SHH: variants seen among roughly 807,000 people sequenced by gnomAD.
SHH encodes the protein sonic hedgehog signaling molecule.
SHH carries 3 observed loss-of-function variants against 16.6 expected under a neutral mutation model. The ratio of observed to expected loss-of-function variants is 0.18; its 90% CI spans 0.08 to 0.47. The LOEUF (loss-of-function observed/expected upper bound fraction) is 0.47, where lower values mean the gene tolerates loss of function less well. SHH is among the 20% of genes least tolerant of loss of function. The pLI is 0.98. For synonymous variants in SHH, 351 were observed against 316.2 expected (o/e 1.11, Z -1.17); for missense variants, 499 against 665.0 (o/e 0.75, Z 2.75).
chr7:155,806,275 G>A (rs772387547), intron 2 of SHH, 21 bp downstream of exon 2: 1 of 1,612,576 alleles, frequency 6.2e-7, no homozygotes, highest in Non-Finnish European at 8.5e-7. Context: ...GGTCGGATCC[G>A]GGGGGCCAGG....
Position 155,806,251 on chromosome 7 carries a change from A to G in SHH, c.562+45T>C, listed in dbSNP as rs9333620. 9.4e-5 allele frequency: 151 copies of G among 1,611,992 alleles called. 1 individual carries two copies. In the Admixed American group the frequency reaches 2.4e-3, roughly 26 times the overall value. On this transcript the variant is annotated intron_variant, in intron 2 of 2. Coordinates refer to ENST00000297261, the MANE Select transcript of SHH (RefSeq NM_000193.4). ...CTCTTGAATCAAGCCGAGGTGCGCCAATGGCCTTCCTTGGGTCGGATCCGG... is the reference window on the plus strand; with the variant it reads ...CTCTTGAATCAAGCCGAGGTGCGCCGATGGCCTTCCTTGGGTCGGATCCGG...
intron 2 of SHH, among the ~76,000 whole-genome samples, chr7:155,804,132 C>G (rs1190276653): frequency 6.6e-6 from 1 of 151,936 alleles, no homozygotes; most frequent in South Asian, 2.1e-4. Flanking sequence ...TGAGCTCCCG[C>G]GGGCGCCGGG....
At position 155,802,097 on chromosome 7, in the gene SHH, A is replaced by G. The variant is rs938506500; in HGVS notation, c.*803T>C. 1.1e-4 allele frequency: 16 copies of G among 140,192 alleles called. No homozygotes were observed. The highest frequency in any genetic ancestry group is 3.5e-3 in the Middle Eastern group (1 of 286). The allele number at this position is 140,192 out of a possible 1,614,324, so 8.7% of individuals were successfully genotyped here. The stretch of plus-strand genomic sequence containing the variant: ...TGTCCAAAAAAAAAAAAAAAAAAAA[A>G]AAAGAAAAGAAAAGAAAAAGAAAAG... On this transcript the variant is annotated 3_prime_UTR_variant, in exon 3 of 3. Transcript: ENST00000297261.
Position 155,803,365 on chromosome 7 carries a change from G to T in SHH, c.924C>A (p.Arg308=). ...CGTACACGCGCTGGCCCGGGCGCAC[G>T]CGGCTGGCGAACAGCGCCCGAGGCC... ...ALGPRALFAS[R]VRPGQRVYVV... is the part of the protein sequence containing the mutation. The change falls in exon 3 of 3, where the codon CGC becomes CGA. Residue 308 remains arginine (R), a synonymous_variant. Coordinates refer to ENST00000297261, the MANE Select transcript of SHH (RefSeq NM_000193.4). The T allele has an allele frequency of 6.9e-7, 1 of 1,447,838 alleles. No homozygotes were observed. Among genetic ancestry groups the T allele is most frequent in the Non-Finnish European group, 9.0e-7 (1 of 1,112,832 alleles). 89.7% of individuals were successfully genotyped at this position (1,447,838 alleles called of 1,614,324 possible).
chr7:155,806,725 C>T (rs2117138841), intron 1 of SHH, 168 bp from the exon 2 acceptor site: 1 of 824,442 alleles, frequency 1.2e-6, no homozygotes, highest in Non-Finnish European at 2.1e-6. Context: ...GAGCCGGGCC[C>T]TGGGCTGGGG....
At chr7:155,806,620 G>A (rs2117138444) in intron 1 of SHH, 63 bp from the exon 2 acceptor site, 1 of 1,599,788 alleles carries the variant, frequency 6.3e-7, no homozygotes. Flanking sequence ...CACCCCTCCC[G>A]GCCCCTCCAT....
intron 2 of SHH, 35 bp from the exon 3 acceptor site, chr7:155,803,761 G>C: frequency 6.4e-7 from 1 of 1,554,870 alleles, no homozygotes; most frequent in South Asian, 1.1e-5. Context: ...AGAGAGGACA[G>C]GGCATTGAGT....
In SHH at chr7:155,807,153, G is replaced by C. The variant is rs1221614087; in HGVS notation, c.301-596C>G. ...AGGCCCTAACCCTATCCGAGGCAGAGGGGAGGCGAGAAGCCGCTGGCGGGG... is the reference window on the plus strand; with the variant it reads ...AGGCCCTAACCCTATCCGAGGCAGACGGGAGGCGAGAAGCCGCTGGCGGGG... On this transcript the variant is annotated intron_variant, in intron 1 of 2. Coordinates refer to ENST00000297261, the MANE Select transcript of SHH (RefSeq NM_000193.4). The surrounding 1 kb of genome is among the most constrained non-coding windows in gnomAD (Gnocchi z 7.1). 6.3e-6 allele frequency: 1 copy of C among 159,438 alleles called. No homozygotes were observed. The highest frequency in any genetic ancestry group is 5.8e-5 in the Admixed American group (1 of 17,166). 9.9% of individuals were successfully genotyped at this position (159,438 alleles called of 1,614,324 possible).
intron 1 of SHH, among the ~76,000 whole-genome samples, chr7:155,811,265 C>T (rs1002346800): frequency 7.2e-5 from 11 of 152,356 alleles, no homozygotes; most frequent in African/African-American, 2.4e-4. Flanking sequence ...AGAACCGCCT[C>T]CTGGCTTTTC....
rs1410554042 is a variant in SHH at position 155,809,769 on chromosome 7, G to A, written c.300+2054C>T. ...AAGTTCAAATGCTGCCTGTGCGCGCGGCGGCGAGAGTGGCCGGGCGCGGGG... is the reference window on the plus strand; with the variant it reads ...AAGTTCAAATGCTGCCTGTGCGCGCAGCGGCGAGAGTGGCCGGGCGCGGGG... On this transcript the variant is annotated intron_variant, in intron 1 of 2. Transcript: ENST00000297261. This position sits in a 1 kb window ranked among gnomAD's most constrained non-coding sequence, Gnocchi z 6.1. 6.6e-6 allele frequency among the ~76,000 whole-genome samples: 1 copy of A among 151,992 alleles called. No homozygotes were observed. Among genetic ancestry groups the A allele is most frequent in the African/African-American group, 2.4e-5 (1 of 41,430 alleles).
chr7:155,807,403 CA>C lies in SHH; in HGVS notation c.301-847del, dbSNP rs1803394776. On this transcript the variant is annotated intron_variant, in intron 1 of 2. Coordinates refer to ENST00000297261, the MANE Select transcript of SHH (RefSeq NM_000193.4). This position sits in a 1 kb window ranked among gnomAD's most constrained non-coding sequence, Gnocchi z 7.1. ...CTTGGCCCCAGCATAGAATGGCGTC[CA>C]GCAAGTTTGAAGAGCAAACTGAAGA... 6.7e-6 allele frequency: 1 copy of C among 149,198 alleles called. No individual in the cohort carries two copies. Among genetic ancestry groups the C allele is most frequent in the African/African-American group, 2.5e-5 (1 of 40,244 alleles). 9.2% of individuals were successfully genotyped at this position (149,198 alleles called of 1,614,324 possible). A position where few individuals can be genotyped will look rare whatever the true frequency, so the allele number is the denominator to read the frequency against.
In SHH at chr7:155,803,733, G is replaced by A. The variant is rs1803269440; in HGVS notation, c.563-7C>T. ...TTGGCCGCCACCGAGTTCTCTGCGG[G>A]TGAGGAGAAGGGAAAGAAGAGAGGA... On this transcript the variant is annotated splice_polypyrimidine_tract_variant and splice_region_variant and intron_variant, in intron 2 of 2. Transcript: ENST00000297261. The A allele has an allele frequency of 1.3e-6, 2 of 1,593,894 alleles. No homozygotes were observed. Among genetic ancestry groups the A allele is most frequent in the Non-Finnish European group, 1.7e-6 (2 of 1,176,470 alleles).
chr7:155,808,473 G>A (rs1359862205), intron 1 of SHH, among the ~76,000 whole-genome samples: 3 of 152,232 alleles, frequency 2.0e-5, no homozygotes, highest in African/African-American at 7.2e-5. Flanking sequence ...GGGCAGGCAT[G>A]GAGGACCCCG....
At chr7:155,805,013 C>A (rs1032467798) in intron 2 of SHH, among the ~76,000 whole-genome samples, 2 of 152,218 alleles carry the variant, frequency 1.3e-5, no homozygotes, top group Admixed American at 6.5e-5. Context: ...AGTCGCACGG[C>A]CCGGCTTGAC....
Position 155,807,540 on chromosome 7 carries a change from A to G in SHH, c.301-983T>C, listed in dbSNP as rs1287981985. Among the ~76,000 whole-genome samples the G allele has an allele frequency of 1.3e-5, 2 of 152,186 alleles. No individual in the cohort carries two copies. Among genetic ancestry groups the G allele is most frequent in the African/African-American group, 4.8e-5 (2 of 41,430 alleles). ...CCCAGGAAGTTGCCTGGGAGGAGGC[A>G]GGAAACACTGACTAGGCAGATGCAG... On this transcript the variant is annotated intron_variant, in intron 1 of 2. Coordinates refer to ENST00000297261, the MANE Select transcript of SHH (RefSeq NM_000193.4). This position sits in a 1 kb window ranked among gnomAD's most constrained non-coding sequence, Gnocchi z 7.1.
At chr7:155,805,883 C>A (rs1473544396) in intron 2 of SHH, among the ~76,000 whole-genome samples, 2 of 152,234 alleles carry the variant, frequency 1.3e-5, no homozygotes, top group Non-Finnish European at 2.9e-5. Flanking sequence ...GACACCCCTG[C>A]GCTTGGGATA....
rs1803203495 is a variant in SHH, at chr7:155,802,325, A to C, written c.*575T>G. 1 of 152,212 alleles carries C rather than the reference A, an allele frequency of 6.6e-6. No homozygotes were observed. The highest frequency in any genetic ancestry group is 2.4e-5 in the African/African-American group (1 of 41,460). 9.4% of individuals were successfully genotyped at this position (152,212 alleles called of 1,614,324 possible). A position where few individuals can be genotyped will look rare whatever the true frequency, so the allele number is the denominator to read the frequency against. On this transcript the variant is annotated 3_prime_UTR_variant, in exon 3 of 3. Coordinates refer to ENST00000297261, the MANE Select transcript of SHH (RefSeq NM_000193.4). ...TCAGTTAAGTATTGATCTCTCAAAA[A>C]ATCTAATTTACAATTCTGTGTATAA... is the stretch of plus-strand genomic sequence containing the variant.
At chr7:155,810,688 G>T (rs1252572796) in intron 1 of SHH, among the ~76,000 whole-genome samples, 1 of 152,230 alleles carries the variant, frequency 6.6e-6, no homozygotes, top group Non-Finnish European at 1.5e-5. Flanking sequence ...GAATCGGGTC[G>T]GGAAGCAGGG....
Position 155,800,798 on chromosome 7 carries a change from A to G in SHH, c.*2102T>C, listed in dbSNP as rs1803163319. 2.7e-6 allele frequency: 1 copy of G among 371,562 alleles called. No homozygotes were observed. Among genetic ancestry groups the G allele is most frequent in the African/African-American group, 2.1e-5 (1 of 47,098 alleles). The allele number at this position is 371,562 out of a possible 1,614,324, so 23.0% of individuals were successfully genotyped here. On this transcript the variant is annotated 3_prime_UTR_variant, in exon 3 of 3. Coordinates refer to ENST00000297261, the MANE Select transcript of SHH (RefSeq NM_000193.4). Reference sequence around the variant, plus strand: ...GAAGGCCACTCAAGGGCAGACCCGTAGCAGAGCAGACCCTCAGGGACTGGG... The same window carrying G: ...GAAGGCCACTCAAGGGCAGACCCGTGGCAGAGCAGACCCTCAGGGACTGGG...
Sources: gnomAD v4.1 joint callset for allele counts (sites outside exome capture counted in the v4.1 genomes callset) on GRCh38, gnomAD v4.1.1 for gene constraint, Gnocchi (gnomAD v3.1) non-coding constraint, MANE v1.5 for transcripts, NCBI Gene and HGNC (gene_info 2026-07-23, HGNC 2026-07-21) for gene names.